The following CDC42EP1 variants were observed in gnomAD, a reference collection of about 807,000 sequenced individuals.
The protein encoded by CDC42EP1 is CDC42 effector protein 1.
A neutral mutation model predicts 7.4 loss-of-function variants in CDC42EP1; 6 were observed. The observed-to-expected ratio is 0.81, with a 90% CI of 0.44 to 1.60. The LOEUF (loss-of-function observed/expected upper bound fraction) is 1.60. CDC42EP1 is among the 40% of genes most tolerant of loss of function. CDC42EP1 has a pLI of 0.01. For synonymous variants in CDC42EP1, 238 were observed against 227.1 expected, an observed-to-expected ratio of 1.05 and a Z score of -0.43; for missense variants, 567 against 539.0, an observed-to-expected ratio of 1.05 and a Z score of -0.51.
At position 37,566,744 on chromosome 22, in the gene CDC42EP1, G is replaced by A. The variant is rs1342266981; in HGVS notation, c.395G>A (p.Ser132Asn). ...CAGCTCAACCAGGCCGCCTACGACA[G>A]CCTCGTGGTTGGCAAGCTCAGCTTC... Reference protein sequence around the residue: ...LPQLNQAAYDSLVVGKLSFDS... With the variant: ...LPQLNQAAYDNLVVGKLSFDS... The change falls in exon 2 of 3, where the codon AGC becomes AAC. Residue 132 changes from serine to asparagine, a missense_variant. Physicochemically the swap from Ser to Asn is conservative, Grantham distance 46. Coordinates refer to ENST00000249014, the MANE Select transcript of CDC42EP1 (RefSeq NM_152243.3). This position sits in a 1 kb window ranked among gnomAD's most constrained non-coding sequence, Gnocchi z 6.4. 1 of 1,606,704 alleles carries A rather than the reference G, an allele frequency of 6.2e-7. No homozygotes were observed. The highest frequency in any genetic ancestry group is 2.2e-5 in the East Asian group (1 of 44,668).
At position 37,568,120 on chromosome 22, in the gene CDC42EP1, G is replaced by A. The variant is rs1359432219; in HGVS notation, c.476G>A (p.Gly159Glu). The A allele has an allele frequency of 4.3e-6, 7 of 1,612,656 alleles. No individual in the cohort carries two copies. The highest frequency in any genetic ancestry group is 1.1e-5 in the South Asian group (1 of 90,962). The change falls in exon 3 of 3, where the codon GGG (glycine) becomes GAG (glutamate). Residue 159 changes from glycine to glutamate, a missense_variant. Coordinates refer to ENST00000249014, the MANE Select transcript of CDC42EP1 (RefSeq NM_152243.3). ...ATTTCTCTTCTAGGCCTGGACTCTG[G>A]GTTCTGCACCATCTCCCGCCTGCCC... ...DGHSSYGLDS[G>E]FCTISRLPRS...
chr22:37,561,751 C>G (rs6000801), intron 1 of CDC42EP1, among the ~76,000 whole-genome samples: 8,541 of 152,224 alleles, frequency 0.056, 812 homozygotes, highest in African/African-American at 0.19. Flanking sequence ...TGTGTGCACC[C>G]GAGCAGTGGC....
In CDC42EP1 at chr22:37,561,771, G is replaced by A. The variant is rs191040673; in HGVS notation, c.-279+1183G>A. 4.9e-4 allele frequency among the ~76,000 whole-genome samples: 74 copies of A among 152,332 alleles called. 1 individual carries two copies. In the East Asian group the frequency reaches 0.013, roughly 27 times the overall value. On this transcript the variant is annotated intron_variant, in intron 1 of 2. Transcript: ENST00000249014. ...GCACCCGAGCAGTGGCCTCCAGGAT[G>A]AGACGTGGGCCCCTGGCCAGCACTG...
rs905593494 is a variant in CDC42EP1 at position 37,566,318 on chromosome 22, C to A, written c.-32C>A. On this transcript the variant is annotated 5_prime_UTR_variant, in exon 2 of 3. Coordinates refer to ENST00000249014, the MANE Select transcript of CDC42EP1 (RefSeq NM_152243.3). This position sits in a 1 kb window ranked among gnomAD's most constrained non-coding sequence, Gnocchi z 6.4. ...CCTCCCTCCCCCGGCCCCTGGTAGG[C>A]ATGGACTAGCAGCTGTGAGCAGCCA... is the stretch of plus-strand genomic sequence containing the variant. 6 of 979,858 alleles carry A rather than the reference C, an allele frequency of 6.1e-6. No homozygotes were observed. The African/African-American group carries it at 8.5e-5, about 14-fold the overall frequency. 60.7% of individuals were successfully genotyped at this position (979,858 alleles called of 1,614,324 possible). A position where few individuals can be genotyped will look rare whatever the true frequency, so the allele number is the denominator to read the frequency against.
chr22:37,564,981 T>C (rs1316259182), intron 1 of CDC42EP1, among the ~76,000 whole-genome samples: 1 of 152,128 alleles, frequency 6.6e-6, no homozygotes, highest in Admixed American at 6.5e-5. Context: ...GGTTTCACCA[T>C]GTTGGCCAGG....
chr22:37,566,701 A>G lies in CDC42EP1; in HGVS notation c.352A>G (p.Asn118Asp). The change falls in exon 2 of 3, where the codon AAC (asparagine) becomes GAC (aspartate). Residue 118 changes from asparagine (N) to aspartate (D), a missense_variant. Coordinates refer to ENST00000249014, the MANE Select transcript of CDC42EP1 (RefSeq NM_152243.3). This position sits in a 1 kb window ranked among gnomAD's most constrained non-coding sequence, Gnocchi z 6.4. The part of the protein sequence containing the change: ...APPAISPIIK[N>D]AISLPQLNQA... ...ACCGGCCATCTCCCCCATCATCAAG[A>G]ACGCCATCTCCCTGCCCCAGCTCAA... The G allele has an allele frequency of 6.2e-7, 1 of 1,612,138 alleles. No homozygotes were observed. Among genetic ancestry groups the G allele is most frequent in the Non-Finnish European group, 8.5e-7 (1 of 1,179,026 alleles).
Position 37,566,380 on chromosome 22 carries a change from G to A in CDC42EP1, c.31G>A (p.Ala11Thr), listed in dbSNP as rs536131927. The A allele has an allele frequency of 5.8e-5, 90 of 1,544,810 alleles. No homozygotes were observed. Among genetic ancestry groups the A allele is most frequent in the Non-Finnish European group, 6.7e-5 (76 of 1,141,330 alleles). Residue 11 changes from alanine to threonine, a missense_variant, in exon 2 of 3, where the codon GCC becomes ACC. Coordinates refer to ENST00000249014, the MANE Select transcript of CDC42EP1 (RefSeq NM_152243.3). The surrounding 1 kb of genome is among the most constrained non-coding windows in gnomAD (Gnocchi z 6.4). MPGPQGGRGA[A>T]TMSLGKLSPV... ...CGGCCCCCAGGGGGGCAGAGGCGCC[G>A]CCACCATGAGCCTGGGCAAGCTCTC...
rs955732494 is a variant in CDC42EP1, at chr22:37,560,607, G to A, written c.-279+19G>A. 1 of 150,322 alleles carries A rather than the reference G, an allele frequency of 6.7e-6. No homozygotes were observed. The highest frequency in any genetic ancestry group is 2.4e-5 in the African/African-American group (1 of 41,156). 9.3% of individuals were successfully genotyped at this position (150,322 alleles called of 1,614,324 possible). A position where few individuals can be genotyped will look rare whatever the true frequency, so the allele number is the denominator to read the frequency against. ...GAGCCAGGTAACAGCCCGGGCGCGC[G>A]GGTCCTCGGGGCGGAGGCCGTGGAG... On this transcript the variant is annotated intron_variant, in intron 1 of 2. Coordinates refer to ENST00000249014, the MANE Select transcript of CDC42EP1 (RefSeq NM_152243.3).
At chr22:37,561,698 TG>T (rs58111644) in intron 1 of CDC42EP1, among the ~76,000 whole-genome samples, 65,867 of 151,066 alleles carry the variant, frequency 0.44, 15,866 homozygotes, top group African/African-American at 0.66. Context: ...TGTCCAGCGG[TG>T]GGGGGGGGCG....
In CDC42EP1 at chr22:37,568,234, G is replaced by A. The variant is rs375221026; in HGVS notation, c.590G>A (p.Arg197His). 57 of 1,613,640 alleles carry A rather than the reference G, an allele frequency of 3.5e-5. No individual in the cohort carries two copies. The highest frequency in any genetic ancestry group is 1.7e-4 in the Admixed American group (10 of 60,000). The change falls in exon 3 of 3, where the codon CGC becomes CAC. Residue 197 changes from arginine to histidine, a missense_variant. Arg to His is a conservative substitution (Grantham distance 29). Coordinates refer to ENST00000249014, the MANE Select transcript of CDC42EP1 (RefSeq NM_152243.3). Reference protein sequence around the residue: ...LRRSDSLLSFRLDLDLGPSLL... With the variant: ...LRRSDSLLSFHLDLDLGPSLL... ...CGCTCTGACTCTCTCTTGTCCTTCC[G>A]CCTGGACCTCGACCTTGGGCCCTCA...
chr22:37,568,387 C>T lies in CDC42EP1; in HGVS notation c.743C>T (p.Thr248Ile), dbSNP rs760558616. 5 of 1,470,286 alleles carry T rather than the reference C, an allele frequency of 3.4e-6. No individual in the cohort carries two copies. In the South Asian group the frequency reaches 3.6e-5, roughly 11 times the overall value. The allele number at this position is 1,470,286 out of a possible 1,614,324, so 91.1% of individuals were successfully genotyped here. Residue 248 changes from threonine to isoleucine, a missense_variant, in exon 3 of 3, where the codon ACT (threonine) becomes ATT (isoleucine). Thr to Ile is a moderately conservative substitution (Grantham distance 89). Coordinates refer to ENST00000249014, the MANE Select transcript of CDC42EP1 (RefSeq NM_152243.3). ...GGTCCTGCTGCAAACCCCCCAGCCA[C>T]TACTGCAAACCCCCCAGCGCCTGCT... is the stretch of plus-strand genomic sequence containing the variant. ...PTGPAANPPATTANPPAPAAN... is the reference protein window; with the variant it reads ...PTGPAANPPAITANPPAPAAN...
At chr22:37,565,185 C>T (rs12158219) in intron 1 of CDC42EP1, among the ~76,000 whole-genome samples, 4,212 of 91,124 alleles carry the variant, frequency 0.046, 265 homozygotes, top group African/African-American at 0.13. Context: ...TTTTTTTTTC[C>T]TTTTTTTTTT....
At position 37,568,588 on chromosome 22, in the gene CDC42EP1, C is replaced by T. The variant is rs769495566; in HGVS notation, c.944C>T (p.Pro315Leu). ...VGGGPRGPAG[P>L]ALGRHWGAGW... ...GGGGGTCCCCGAGGACCTGCTGGCC[C>T]TGCCCTCGGCAGGCACTGGGGAGCA... The change falls in exon 3 of 3, where the codon CCT (proline) becomes CTT (leucine). Residue 315 changes from proline (P) to leucine (L), a missense_variant. Coordinates refer to ENST00000249014, the MANE Select transcript of CDC42EP1 (RefSeq NM_152243.3). 1 of 1,600,428 alleles carries T rather than the reference C, an allele frequency of 6.2e-7. No homozygotes were observed. The highest frequency in any genetic ancestry group is 1.3e-5 in the African/African-American group (1 of 74,888).
rs1294461221 is a variant in CDC42EP1 at position 37,566,499 on chromosome 22, T to C, written c.150T>C (p.His50=). ...TCGGGGACTTCCGCCACACCATGCA[T>C]GTGGGCCGTGGCGGGGATGTCTTCG... is the stretch of plus-strand genomic sequence containing the variant. ...HPLGDFRHTM[H]VGRGGDVFGD... is the part of the protein sequence containing the mutation. The change falls in exon 2 of 3, where the codon CAT becomes CAC. Residue 50 remains histidine, a synonymous_variant. Transcript: ENST00000249014. This position sits in a 1 kb window ranked among gnomAD's most constrained non-coding sequence, Gnocchi z 6.4. 4 of 1,612,772 alleles carry C rather than the reference T, an allele frequency of 2.5e-6. No individual in the cohort carries two copies. Among genetic ancestry groups the C allele is most frequent in the African/African-American group, 1.3e-5 (1 of 74,908 alleles).
intron 1 of CDC42EP1, among the ~76,000 whole-genome samples, chr22:37,561,882 C>A (rs932994271): frequency 4.6e-5 from 7 of 152,240 alleles, no homozygotes; most frequent in Non-Finnish European, 1.0e-4. Context: ...CCCGCGACCA[C>A]ATGTGCCTCC....
At chr22:37,565,567 G>GTTTTTTTTTTTTTTTTTTTTTTTTTTTT (rs10588992) in intron 1 of CDC42EP1, 1 of 80,920 alleles carries the variant, frequency 1.2e-5, no homozygotes, top group African/African-American at 5.2e-5. Context: ...GAACTTCCTT[G>GTTTTTTTTTTTTTTTTTTTTTTTTTTTT]TTTTTTTTTT....
intron 2 of CDC42EP1, 139 bp from the exon 3 acceptor site, chr22:37,567,969 G>A: frequency 1.4e-6 from 1 of 703,228 alleles, no homozygotes; most frequent in Non-Finnish European, 2.5e-6. Context: ...TATTCTATTG[G>A]AAAGATGGGA....
chr22:37,568,393 C>A lies in CDC42EP1; in HGVS notation c.749C>A (p.Ala250Glu). The A allele has an allele frequency of 6.6e-7, 1 of 1,509,070 alleles. No homozygotes were observed. The allele number at this position is 1,509,070 out of a possible 1,614,324, so 93.5% of individuals were successfully genotyped here. ...GCTGCAAACCCCCCAGCCACTACTG[C>A]AAACCCCCCAGCGCCTGCTGCAAAC... ...GPAANPPATT[A>E]NPPAPAANPS... is the part of the protein sequence containing the mutation. The change falls in exon 3 of 3, where the codon GCA (alanine) becomes GAA (glutamate). Residue 250 changes from alanine (A) to glutamate (E), a missense_variant. By Grantham distance (107) the Ala-to-Glu change is moderately radical (BLOSUM62 -1). Coordinates refer to ENST00000249014, the MANE Select transcript of CDC42EP1 (RefSeq NM_152243.3).
At chr22:37,560,734 C>T (rs1358260134) in intron 1 of CDC42EP1, 146 bp downstream of exon 1, 3 of 151,786 alleles carry the variant, frequency 2.0e-5, no homozygotes, top group African/African-American at 7.3e-5. Context: ...CGGGTGCCCA[C>T]AGGAAGGCCG....
Sources: gnomAD v4.1 joint callset for allele counts (sites outside exome capture counted in the v4.1 genomes callset) on GRCh38, gnomAD v4.1.1 for gene constraint, Gnocchi (gnomAD v3.1) non-coding constraint, MANE v1.5 for transcripts, NCBI Gene and HGNC (gene_info 2026-07-23, HGNC 2026-07-21) for gene names.